DNAH17: variants seen among roughly 807,000 people sequenced by gnomAD.
The protein encoded by DNAH17 is dynein axonemal heavy chain 17.
In DNAH17, 376 loss-of-function variants were observed where a neutral mutation model predicts 485.6. The observed-to-expected ratio is 0.77, with a 90% CI of 0.71 to 0.84. The LOEUF is 0.84. Among genes scored for constraint, DNAH17 ranks in the 40% least tolerant of loss-of-function variants. The pLI is 0.00. For synonymous variants in DNAH17, 3,031 were observed against 2,405.9 expected (o/e 1.26, Z -7.60); for missense variants, 6,370 against 5,839.3 (o/e 1.09, Z -2.96).
chr17:78,477,692 G>A (rs567956517), intron 51 of DNAH17, among the ~76,000 whole-genome samples: 6 of 152,236 alleles, frequency 3.9e-5, no homozygotes, highest in East Asian at 1.9e-4. Flanking sequence ...GATACTTTAC[G>A]TGGGAGGAGG....
At chr17:78,461,433 A>C (rs2088121140) in intron 58 of DNAH17, 111 bp downstream of exon 58, 2 of 1,172,570 alleles carry the variant, frequency 1.7e-6, no homozygotes, top group Non-Finnish European at 2.3e-6. Context: ...CTTCTATGTA[A>C]GTCTCAGCCT....
intron 53 of DNAH17, 58 bp downstream of exon 53, chr17:78,475,611 C>T (rs746199132): frequency 1.9e-5 from 31 of 1,605,030 alleles, no homozygotes; most frequent in South Asian, 8.9e-5. Flanking sequence ...ATAATGCAAC[C>T]GGAGAGGGTG....
intron 14 of DNAH17, among the ~76,000 whole-genome samples, chr17:78,553,664 A>C (rs2091959379): frequency 6.6e-6 from 1 of 151,864 alleles, no homozygotes; most frequent in Admixed American, 6.6e-5. Context: ...ATTTCAGGAC[A>C]CTCCACAATT....
chr17:78,575,861 A>G (rs1474095566), intron 1 of DNAH17, among the ~76,000 whole-genome samples: 1 of 152,274 alleles, frequency 6.6e-6, no homozygotes, highest in African/African-American at 2.4e-5. Context: ...TTAAACATCA[A>G]AATGAATGCA....
intron 25 of DNAH17, among the ~76,000 whole-genome samples, chr17:78,521,266 T>C (rs1013883217): frequency 1.3e-5 from 2 of 151,804 alleles, no homozygotes; most frequent in Non-Finnish European, 2.9e-5. Context: ...ATTAGCTGGG[T>C]GGAGTGGTGT....
At chr17:78,538,928 C>G (rs1347609071) in intron 18 of DNAH17, among the ~76,000 whole-genome samples, 1 of 152,066 alleles carries the variant, frequency 6.6e-6, no homozygotes, top group Non-Finnish European at 1.5e-5. Flanking sequence ...CATTTAGAAA[C>G]CATCTCAACA....
In DNAH17 at chr17:78,569,445, G is replaced by A; in HGVS notation, c.1127C>T (p.Ala376Val). The A allele has an allele frequency of 6.2e-7, 1 of 1,612,222 alleles. No homozygotes were observed. Among genetic ancestry groups the A allele is most frequent in the Non-Finnish European group, 8.5e-7 (1 of 1,179,116 alleles). The change falls in exon 8 of 81, where the codon GCT becomes GTT. Residue 376 changes from alanine to valine, a missense_variant. Coordinates refer to ENST00000389840, the MANE Select transcript of DNAH17 (RefSeq NM_173628.4). Reference sequence around the variant, plus strand: ...GTAGAGCTCCTTCAGCACATTTACAGCCAGGGAGATGCCACTCAGGACTTC... The same window carrying A: ...GTAGAGCTCCTTCAGCACATTTACAACCAGGGAGATGCCACTCAGGACTTC... Reference protein sequence around the residue: ...IEEVLSGISLAVNVLKELYQT... With the variant: ...IEEVLSGISLVVNVLKELYQT...
intron 24 of DNAH17, among the ~76,000 whole-genome samples, chr17:78,525,396 A>C (rs2091041138): frequency 6.6e-6 from 1 of 152,226 alleles, no homozygotes; most frequent in Non-Finnish European, 1.5e-5. Context: ...CAGCGTGGGG[A>C]CTGACTCCCA....
Position 78,566,673 on chromosome 17 carries a change from GCCT to G in DNAH17, c.1507_1509del (p.Arg503del). ...AATCCTTGGCAAAAGATCGTGGCCA[GCCT>G]CCTATCCAGGTCTTGGATTTTGATC... On this transcript the variant is annotated inframe_deletion, in exon 11 of 81. Transcript: ENST00000389840. 1 of 1,611,202 alleles carries G rather than the reference GCCT, an allele frequency of 6.2e-7. No individual in the cohort carries two copies.
rs769674855 is a variant in DNAH17 at position 78,510,474 on chromosome 17, C to T, written c.4146G>A (p.Leu1382=). ...VKFKMSEETT[L]ADLLQLNLHS... ...GGAGGTTCAGCTGCAGTAAATCTGC[C>T]AGGGTCGTCTCTTCTGACATTTTAA... is the stretch of plus-strand genomic sequence containing the variant. The change falls in exon 27 of 81, where the codon CTG becomes CTA. Residue 1382 remains leucine, a synonymous_variant. Transcript: ENST00000389840. 1 of 1,613,866 alleles carries T rather than the reference C, an allele frequency of 6.2e-7. No individual in the cohort carries two copies. Among genetic ancestry groups the T allele is most frequent in the Non-Finnish European group, 8.5e-7 (1 of 1,179,828 alleles).
chr17:78,520,777 A>C (rs925345418), intron 25 of DNAH17, among the ~76,000 whole-genome samples: 5 of 152,270 alleles, frequency 3.3e-5, no homozygotes, highest in African/African-American at 9.6e-5. Flanking sequence ...TGGGAGACAG[A>C]GTCAACATGT....
chr17:78,438,181 C>T (rs2086914593), intron 73 of DNAH17, among the ~76,000 whole-genome samples: 1 of 151,738 alleles, frequency 6.6e-6, no homozygotes, highest in Non-Finnish European at 1.5e-5. Context: ...GTCCCCACCC[C>T]TCCTCTTGAA....
At chr17:78,476,303 G>A (rs1325462211) in intron 52 of DNAH17, among the ~76,000 whole-genome samples, 9 of 137,904 alleles carry the variant, frequency 6.5e-5, no homozygotes, top group African/African-American at 8.5e-5. Flanking sequence ...GCCAAGTGCC[G>A]GAATTATCAC....
intron 26 of DNAH17, among the ~76,000 whole-genome samples, chr17:78,513,322 T>C (rs75563199): frequency 0.11 from 17,116 of 152,110 alleles, 1,220 homozygotes; most frequent in Middle Eastern, 0.17. Context: ...CTGAAAGAAA[T>C]CGCAGTATTT....
Position 78,568,703 on chromosome 17 carries a change from G to A in DNAH17, c.1284+463C>T, listed in dbSNP as rs181406865. On this transcript the variant is annotated intron_variant, in intron 9 of 80. Coordinates refer to ENST00000389840, the MANE Select transcript of DNAH17 (RefSeq NM_173628.4). Reference sequence around the variant, plus strand: ...TGAGCTCAAGTGATCCTCCCTCCTCGGCCTGCCAGAGTTCTGGGATTACAG... The same window carrying A: ...TGAGCTCAAGTGATCCTCCCTCCTCAGCCTGCCAGAGTTCTGGGATTACAG... Among the ~76,000 whole-genome samples, 39 of 152,162 alleles carry A rather than the reference G, an allele frequency of 2.6e-4. No homozygotes were observed. The South Asian group carries it at 3.1e-3, about 12-fold the overall frequency.
At chr17:78,486,200 G>A (rs373861182) in intron 45 of DNAH17, 24 bp downstream of exon 45, 22 of 1,587,988 alleles carry the variant, frequency 1.4e-5, no homozygotes, top group Non-Finnish European at 1.8e-5. Flanking sequence ...CTGTGTGGGT[G>A]GCCGGGCCCC....
chr17:78,460,944 T>C (rs918798769), intron 58 of DNAH17, among the ~76,000 whole-genome samples: 7 of 152,214 alleles, frequency 4.6e-5, no homozygotes, highest in African/African-American at 1.7e-4. Context: ...TACACAGATG[T>C]AGGACTGATG....
chr17:78,510,374 C>A lies in DNAH17; in HGVS notation c.4236+10G>T, dbSNP rs370923300. 5.0e-6 allele frequency: 8 copies of A among 1,611,490 alleles called. No homozygotes were observed. The highest frequency in any genetic ancestry group is 3.3e-5 in the Admixed American group (2 of 60,010). On this transcript the variant is annotated intron_variant, in intron 27 of 80. Coordinates refer to ENST00000389840, the MANE Select transcript of DNAH17 (RefSeq NM_173628.4). ...CACGTTGCACAGACAGCACCGCCAG[C>A]ACGGCCTACCTTTTCCATGCCCGAC...
At position 78,502,634 on chromosome 17, in the gene DNAH17, T is replaced by C; in HGVS notation, c.5147A>G (p.Glu1716Gly). Residue 1716 changes from glutamate to glycine, a missense_variant, in exon 33 of 81, where the codon GAG (glutamate) becomes GGG (glycine). By Grantham distance (98) the Glu-to-Gly change is moderately conservative. Transcript: ENST00000389840. ...TEVGLAFARLEEGYENAIRDY... is the reference protein window; with the variant it reads ...TEVGLAFARLGEGYENAIRDY... ...TCTGATAGCGTTTTCATAGCCTTCC[T>C]CCAGCCTGGCAAATGCCAGGCCCAC... 1 of 1,612,628 alleles carries C rather than the reference T, an allele frequency of 6.2e-7. No homozygotes were observed. Among genetic ancestry groups the C allele is most frequent in the Non-Finnish European group, 8.5e-7 (1 of 1,179,868 alleles).
Sources: allele counts gnomAD v4.1 joint callset (sites outside exome capture counted in the v4.1 genomes callset), GRCh38; gene constraint gnomAD v4.1.1; transcripts MANE v1.5; gene names NCBI Gene and HGNC (gene_info 2026-07-23, HGNC 2026-07-21).